RCAN2: variants seen among roughly 807,000 people sequenced by gnomAD.
The protein encoded by RCAN2 is regulator of calcineurin 2.
A neutral mutation model predicts 23.6 loss-of-function variants in RCAN2; 9 were observed. The observed-to-expected ratio is 0.38, with a 90% CI of 0.23 to 0.67. RCAN2 has a LOEUF of 0.67. Ranked by LOEUF, RCAN2 falls within the 30% of genes least tolerant of loss-of-function variation. The pLI, the probability that RCAN2 is intolerant of heterozygous loss-of-function variation, is 0.51. For missense variants in RCAN2, 273 were observed against 302.3 expected, an observed-to-expected ratio of 0.90 and a Z score of 0.72; for synonymous variants, 109 against 115.7, an observed-to-expected ratio of 0.94 and a Z score of 0.37.
intron 2 of RCAN2, chr6:46,325,453 ATC>A (rs1397163573): frequency 6.2e-7 from 1 of 1,614,212 alleles, no homozygotes. Context: ...GAGTGGAAAC[ATC>A]ACAGTCCATG....
At chr6:46,486,517 CT>C (rs1295016699) in intron 1 of RCAN2, among the ~76,000 whole-genome samples, 1 of 152,142 alleles carries the variant, frequency 6.6e-6, no homozygotes, top group Non-Finnish European at 1.5e-5. Context: ...TGGCCCGAGT[CT>C]TCAGAGAAAT....
intron 1 of RCAN2, among the ~76,000 whole-genome samples, chr6:46,480,282 C>A (rs1225926772): frequency 6.6e-6 from 1 of 152,150 alleles, no homozygotes; most frequent in East Asian, 1.9e-4. Context: ...ACAGGTTTGT[C>A]GAGAGGACAA....
At chr6:46,327,725 ATCAGCTC>A (rs1437736380) in intron 2 of RCAN2, among the ~76,000 whole-genome samples, 1 of 152,240 alleles carries the variant, frequency 6.6e-6, no homozygotes, top group Non-Finnish European at 1.5e-5. Flanking sequence ...ATGTTTAACA[ATCAGCTC>A]TCTGAAAAGA....
chr6:46,420,634 C>T (rs187352327), intron 2 of RCAN2, among the ~76,000 whole-genome samples: 1 of 151,366 alleles, frequency 6.6e-6, no homozygotes, highest in South Asian at 2.1e-4. Context: ...AACCTCCCCT[C>T]CTGGGTTCAA....
chr6:46,338,508 C>G (rs1401834130), intron 2 of RCAN2, among the ~76,000 whole-genome samples: 1 of 152,144 alleles, frequency 6.6e-6, no homozygotes, highest in Non-Finnish European at 1.5e-5. Flanking sequence ...AACAACCCCA[C>G]CATAGGCAAT....
chr6:46,271,644 A>G (rs757732964), intron 2 of RCAN2, among the ~76,000 whole-genome samples: 18 of 152,302 alleles, frequency 1.2e-4, no homozygotes, highest in Middle Eastern at 3.4e-3. Flanking sequence ...GAAGATTATC[A>G]TAAAAATTAG....
At chr6:46,375,713 G>A (rs764106468) in intron 2 of RCAN2, among the ~76,000 whole-genome samples, 1 of 152,150 alleles carries the variant, frequency 6.6e-6, no homozygotes, top group South Asian at 2.1e-4. Flanking sequence ...CGTCTCTGTC[G>A]AACGATTCAA....
At chr6:46,446,164 G>GA (rs1253920370) in intron 2 of RCAN2, among the ~76,000 whole-genome samples, 161 of 121,138 alleles carry the variant, frequency 1.3e-3, no homozygotes, top group East Asian at 2.2e-3. Context: ...CTAAAAGCAA[G>GA]AAAAAAAAAA....
chr6:46,272,306 T>C (rs1040392528), intron 2 of RCAN2, among the ~76,000 whole-genome samples: 2 of 152,234 alleles, frequency 1.3e-5, no homozygotes, highest in African/African-American at 4.8e-5. Flanking sequence ...GTTCTACTTC[T>C]ACCTGCCCCT....
intron 2 of RCAN2, among the ~76,000 whole-genome samples, chr6:46,286,156 A>G (rs188108099): frequency 1.3e-5 from 2 of 152,332 alleles, no homozygotes; most frequent in Admixed American, 1.3e-4. Context: ...GAATGTATAA[A>G]CAGACTATAA....
intron 2 of RCAN2, among the ~76,000 whole-genome samples, chr6:46,332,457 C>A: frequency 8.1e-6 from 1 of 123,934 alleles, no homozygotes; most frequent in African/African-American, 3.8e-5. Context: ...TATCCCTCCC[C>A]CCTCCCCCCA....
At chr6:46,284,597 A>G (rs1391238490) in intron 2 of RCAN2, among the ~76,000 whole-genome samples, 1 of 152,210 alleles carries the variant, frequency 6.6e-6, no homozygotes, top group Non-Finnish European at 1.5e-5. Context: ...TGACATTTGC[A>G]TCATGACTAT....
At chr6:46,422,993 T>C (rs151167445) in intron 2 of RCAN2, among the ~76,000 whole-genome samples, 114 of 152,258 alleles carry the variant, frequency 7.5e-4, no homozygotes, top group Non-Finnish European at 1.5e-3. Flanking sequence ...CCAGACAGAC[T>C]TATCTCAGAC....
At chr6:46,373,912 T>C (rs992520402) in intron 2 of RCAN2, among the ~76,000 whole-genome samples, 1 of 152,232 alleles carries the variant, frequency 6.6e-6, no homozygotes, top group African/African-American at 2.4e-5. Context: ...AGGAATAATC[T>C]ATCCCCTAAT....
At chr6:46,250,324 A>T (rs774672220) in intron 2 of RCAN2, among the ~76,000 whole-genome samples, 13 of 152,238 alleles carry the variant, frequency 8.5e-5, no homozygotes, top group Non-Finnish European at 1.9e-4. Context: ...ATTATAAGAA[A>T]ACTAGTATAT....
At chr6:46,269,802 C>T (rs906456314) in intron 2 of RCAN2, among the ~76,000 whole-genome samples, 4 of 152,120 alleles carry the variant, frequency 2.6e-5, no homozygotes, top group African/African-American at 9.7e-5. Context: ...GAACTCAATG[C>T]AGTCCCAACA....
intron 2 of RCAN2, among the ~76,000 whole-genome samples, chr6:46,295,771 T>G (rs1039218334): frequency 8.6e-5 from 13 of 151,784 alleles, no homozygotes; most frequent in Non-Finnish European, 1.3e-4. Flanking sequence ...AATTGAGAGG[T>G]TGGAGCCAGA....
Position 46,222,780 on chromosome 6 carries a change from G to A in RCAN2, c.*361C>T, listed in dbSNP as rs3734655. ...ATTTAAGTGGCCAGGAGAGAACAAC[G>A]CACACACATCAGGACTGGGACTGAA... is the stretch of plus-strand genomic sequence containing the variant. On this transcript the variant is annotated 3_prime_UTR_variant, in exon 5 of 5. Coordinates refer to ENST00000371374, the MANE Select transcript of RCAN2 (RefSeq NM_001251974.2). 0.17 allele frequency: 32,621 copies of A among 195,808 alleles called. 3,028 individuals are homozygous for A. Among genetic ancestry groups the A allele is most frequent in the Middle Eastern group, 0.3 (144 of 486 alleles). The allele number at this position is 195,808 out of a possible 1,614,324, so 12.1% of individuals were successfully genotyped here. A position where few individuals can be genotyped will look rare whatever the true frequency, so the allele number is the denominator to read the frequency against.
chr6:46,317,871 C>T (rs1253506700), intron 2 of RCAN2, among the ~76,000 whole-genome samples: 2 of 152,170 alleles, frequency 1.3e-5, no homozygotes, highest in African/African-American at 4.8e-5. Flanking sequence ...GCTGTGTAAT[C>T]TTGTGTAAAA....
Sources: gnomAD v4.1 joint callset for allele counts (sites outside exome capture counted in the v4.1 genomes callset) on GRCh38, gnomAD v4.1.1 for gene constraint, MANE v1.5 for transcripts, NCBI Gene and HGNC (gene_info 2026-07-23, HGNC 2026-07-21) for gene names.